Variants in NSMCE2 observed in about 807,000 individuals in gnomAD.
NSMCE2 encodes the protein NSE2 SUMO ligase component of SMC5/6 complex.
NSMCE2 carries 24 observed loss-of-function variants against 23.8 expected under a neutral mutation model. That is an observed-to-expected ratio of 1.01 (90% CI 0.73 to 1.42). NSMCE2 has a LOEUF of 1.42. Ranked by LOEUF, NSMCE2 falls within the 40% of genes most tolerant of loss-of-function variation. The pLI, the probability that NSMCE2 is intolerant of heterozygous loss-of-function variation, is 0.00. For missense variants in NSMCE2, 284 were observed against 296.5 expected, an observed-to-expected ratio of 0.96 and a Z score of 0.31; for synonymous variants, 92 against 94.1, an observed-to-expected ratio of 0.98 and a Z score of 0.13.
At chr8:125,214,201 G>A (rs1420329966) in intron 5 of NSMCE2, among the ~76,000 whole-genome samples, 1 of 152,172 alleles carries the variant, frequency 6.6e-6, no homozygotes, top group African/African-American at 2.4e-5. Flanking sequence ...GGCAAAATTA[G>A]GGAACTGTAT....
At chr8:125,204,249 C>T (rs1283948774) in intron 5 of NSMCE2, among the ~76,000 whole-genome samples, 1 of 152,190 alleles carries the variant, frequency 6.6e-6, no homozygotes, top group African/African-American at 2.4e-5. Context: ...GTTACCTTGG[C>T]AGACCTGGGC....
intron 3 of NSMCE2, among the ~76,000 whole-genome samples, chr8:125,120,145 C>T (rs1297133107): frequency 6.6e-6 from 1 of 152,062 alleles, no homozygotes; most frequent in Non-Finnish European, 1.5e-5. Context: ...TACATGTCAA[C>T]CTGGACTAGC....
At chr8:125,104,972 G>A (rs943241411) in intron 3 of NSMCE2, among the ~76,000 whole-genome samples, 1 of 152,190 alleles carries the variant, frequency 6.6e-6, no homozygotes. Flanking sequence ...GCAGTGAGCC[G>A]AGATTGTGCC....
intron 1 of NSMCE2, among the ~76,000 whole-genome samples, chr8:125,094,946 C>T (rs1170177108): frequency 2.6e-5 from 4 of 152,188 alleles, no homozygotes; most frequent in Non-Finnish European, 4.4e-5. Flanking sequence ...CTCAACCTCC[C>T]GGCTCAAGCG....
intron 5 of NSMCE2, among the ~76,000 whole-genome samples, chr8:125,319,016 A>G (rs534104157): frequency 6.6e-6 from 1 of 152,344 alleles, no homozygotes; most frequent in African/African-American, 2.4e-5. Context: ...GGCCAGGGAA[A>G]GAGCTATCTA....
At chr8:125,132,952 C>G (rs919732386) in intron 3 of NSMCE2, among the ~76,000 whole-genome samples, 1 of 152,172 alleles carries the variant, frequency 6.6e-6, no homozygotes, top group African/African-American at 2.4e-5. Flanking sequence ...ATCTAACTCT[C>G]TCTTAAAAGT....
intron 5 of NSMCE2, among the ~76,000 whole-genome samples, chr8:125,207,068 T>C (rs1824145434): frequency 6.6e-6 from 1 of 152,190 alleles, no homozygotes; most frequent in East Asian, 1.9e-4. Context: ...TAAATAAAAT[T>C]ATTCATACTT....
intron 5 of NSMCE2, among the ~76,000 whole-genome samples, chr8:125,270,086 A>G (rs1017963087): frequency 6.6e-6 from 1 of 152,216 alleles, no homozygotes; most frequent in African/African-American, 2.4e-5. Flanking sequence ...GAGAGAGTGT[A>G]GCTAGAATAT....
At chr8:125,177,626 A>G (rs1822562477) in intron 4 of NSMCE2, among the ~76,000 whole-genome samples, 2 of 152,202 alleles carry the variant, frequency 1.3e-5, no homozygotes, top group Admixed American at 1.3e-4. Flanking sequence ...AGCTTCATGG[A>G]GCCATAATTC....
rs574421195 is a variant in NSMCE2 at position 125,315,627 on chromosome 8, A to G, written c.419-41592A>G. Among the ~76,000 whole-genome samples, 3 of 152,312 alleles carry G rather than the reference A, an allele frequency of 2.0e-5. No individual in the cohort carries two copies. The South Asian group carries it at 6.2e-4, about 32-fold the overall frequency. On this transcript the variant is annotated intron_variant, in intron 5 of 7. Coordinates refer to ENST00000287437, the MANE Select transcript of NSMCE2 (RefSeq NM_173685.4). ...CCTCTCCTTTTAATAGAACCTTGCT[A>G]AAGGTTAGTTCCTTTCCCCTAAGGA... is the stretch of plus-strand genomic sequence containing the variant.
intron 5 of NSMCE2, chr8:125,182,514 T>C (rs974006434): frequency 4.2e-6 from 2 of 473,278 alleles, no homozygotes; most frequent in Non-Finnish European, 7.4e-6. Flanking sequence ...TATTGTCCCA[T>C]TGCTGGGGAG....
At chr8:125,131,021 A>G (rs997264807) in intron 3 of NSMCE2, among the ~76,000 whole-genome samples, 5 of 152,158 alleles carry the variant, frequency 3.3e-5, no homozygotes, top group South Asian at 2.1e-4. Context: ...CAGTCAGAAC[A>G]CCATTTCCAA....
In NSMCE2 at chr8:125,261,096, G is replaced by T. The variant is rs558855591; in HGVS notation, c.418+78840G>T. On this transcript the variant is annotated intron_variant, in intron 5 of 7. Coordinates refer to ENST00000287437, the MANE Select transcript of NSMCE2 (RefSeq NM_173685.4). ...CGGTGAAAAGGGGGAGAAAATTACTGTTTTGCGAATCAACCAAAGTACTCC... is the reference window on the plus strand; with the variant it reads ...CGGTGAAAAGGGGGAGAAAATTACTTTTTTGCGAATCAACCAAAGTACTCC... Among the ~76,000 whole-genome samples, 15 of 152,264 alleles carry T rather than the reference G, an allele frequency of 9.9e-5. No homozygotes were observed. In the South Asian group the frequency reaches 3.1e-3, roughly 32 times the overall value.
intron 5 of NSMCE2, among the ~76,000 whole-genome samples, chr8:125,240,940 T>G (rs1825743750): frequency 6.6e-6 from 1 of 152,186 alleles, no homozygotes; most frequent in Non-Finnish European, 1.5e-5. Context: ...CCTTTCCCAT[T>G]TTGTAGTTTC....
chr8:125,220,818 A>G (rs950232910), intron 5 of NSMCE2, among the ~76,000 whole-genome samples: 2 of 152,198 alleles, frequency 1.3e-5, no homozygotes, highest in African/African-American at 2.4e-5. Flanking sequence ...TAAATTTTCC[A>G]TGAAATATAT....
chr8:125,277,643 AC>A, intron 5 of NSMCE2, among the ~76,000 whole-genome samples: 1 of 152,126 alleles, frequency 6.6e-6, no homozygotes, highest in Non-Finnish European at 1.5e-5. Context: ...AGTAGCTGGG[AC>A]TACAGGCACC....
At chr8:125,237,765 A>T (rs1205116999) in intron 5 of NSMCE2, among the ~76,000 whole-genome samples, 1 of 152,182 alleles carries the variant, frequency 6.6e-6, no homozygotes, top group Non-Finnish European at 1.5e-5. Flanking sequence ...TTATCAGGGT[A>T]AATACTACCT....
At chr8:125,350,655 G>A (rs1392656250) in intron 5 of NSMCE2, among the ~76,000 whole-genome samples, 1 of 152,198 alleles carries the variant, frequency 6.6e-6, no homozygotes, top group Non-Finnish European at 1.5e-5. Flanking sequence ...GAGAGAGAGA[G>A]CTTGTGCAGG....
intron 5 of NSMCE2, among the ~76,000 whole-genome samples, chr8:125,250,673 T>C (rs1826167856): frequency 6.6e-6 from 1 of 152,170 alleles, no homozygotes; most frequent in South Asian, 2.1e-4. Context: ...TTTTAAGAGA[T>C]GGAATCTTGT....
Sources: allele counts gnomAD v4.1 joint callset (sites outside exome capture counted in the v4.1 genomes callset), GRCh38; gene constraint gnomAD v4.1.1; transcripts MANE v1.5; gene names NCBI Gene and HGNC (gene_info 2026-07-23, HGNC 2026-07-21).